NDC80: variants seen among roughly 807,000 people sequenced by gnomAD.
NDC80 encodes kinetochore protein NDC80 homolog.
A neutral mutation model predicts 89.3 loss-of-function variants in NDC80; 69 were observed. The ratio of observed to expected loss-of-function variants is 0.77; its 90% CI spans 0.64 to 0.94. NDC80 has a LOEUF of 0.94. Ranked by LOEUF, NDC80 falls within the 40% of genes least tolerant of loss-of-function variation. NDC80 has a pLI of 0.00. For synonymous variants in NDC80, 243 were observed against 255.6 expected, an observed-to-expected ratio of 0.95 and a Z score of 0.47; for missense variants, 593 against 739.6, an observed-to-expected ratio of 0.80 and a Z score of 2.30.
rs1350759297 is a variant in NDC80 at position 2,599,061 on chromosome 18, T to A, written c.1264T>A (p.Leu422Ile). 1 of 1,611,702 alleles carries A rather than the reference T, an allele frequency of 6.2e-7. No individual in the cohort carries two copies. The highest frequency in any genetic ancestry group is 8.5e-7 in the Non-Finnish European group (1 of 1,178,978). ...AGAGTATCACAAATTGGCTAGAAAA[T>A]TAAAACTTATTCCTAAAGGTGCTGA... ...LAEYHKLARKLKLIPKGAENS... is the reference protein window; with the variant it reads ...LAEYHKLARKIKLIPKGAENS... Residue 422 changes from leucine to isoleucine, a missense_variant, in exon 12 of 17, where the codon TTA becomes ATA. Transcript: ENST00000261597.
intron 16 of NDC80, among the ~76,000 whole-genome samples, chr18:2,611,545 G>A (rs911079205): frequency 1.3e-5 from 2 of 152,086 alleles, no homozygotes; most frequent in Non-Finnish European, 1.5e-5. Flanking sequence ...TATGATGATC[G>A]TTATTCCTTT....
At chr18:2,605,930 A>T (rs575140602) in intron 13 of NDC80, among the ~76,000 whole-genome samples, 1 of 152,148 alleles carries the variant, frequency 6.6e-6, no homozygotes, top group African/African-American at 2.4e-5. Flanking sequence ...ACAAGATTAA[A>T]TGTGGTTACC....
At chr18:2,607,965 G>GTGTATATATA (rs1284761469) in intron 14 of NDC80, among the ~76,000 whole-genome samples, 1 of 68,152 alleles carries the variant, frequency 1.5e-5, no homozygotes, top group Non-Finnish European at 2.7e-5. Flanking sequence ...TATATACATA[G>GTGTATATATA]TATATATATA....
intron 6 of NDC80, among the ~76,000 whole-genome samples, chr18:2,580,522 A>C (rs1162290394): frequency 6.6e-6 from 1 of 152,124 alleles, no homozygotes; most frequent in African/African-American, 2.4e-5. Context: ...AAATGAAGGC[A>C]GGCACTGGGT....
At chr18:2,582,447 ACT>A (rs2072583233) in intron 6 of NDC80, 1 of 151,848 alleles carries the variant, frequency 6.6e-6, no homozygotes, top group South Asian at 2.1e-4. Context: ...TGATGAACAG[ACT>A]CTCTTTTTTT....
At chr18:2,584,287 C>CAAA (rs11297697) in intron 6 of NDC80, among the ~76,000 whole-genome samples, 1 of 98,414 alleles carries the variant, frequency 1.0e-5, no homozygotes, top group African/African-American at 3.7e-5. Context: ...GACTCCGTCT[C>CAAA]AAAAAAAAAA....
chr18:2,572,196 TG>T (rs1366162375), intron 1 of NDC80, among the ~76,000 whole-genome samples: 1 of 152,176 alleles, frequency 6.6e-6, no homozygotes, highest in Non-Finnish European at 1.5e-5. Flanking sequence ...GTCTAATCAG[TG>T]TAAAAGACTA....
intron 2 of NDC80, among the ~76,000 whole-genome samples, chr18:2,574,001 T>C (rs978276433): frequency 6.6e-6 from 1 of 152,238 alleles, no homozygotes; most frequent in Non-Finnish European, 1.5e-5. Flanking sequence ...ATAGGGTTTT[T>C]GTTCTGCAGA....
chr18:2,572,862 A>G, intron 1 of NDC80, 115 bp from the exon 2 acceptor site: 1 of 729,670 alleles, frequency 1.4e-6, no homozygotes. Context: ...GGGAAAGATG[A>G]TGATCTTGAA....
chr18:2,575,031 G>A lies in NDC80; in HGVS notation c.144G>A (p.Pro48=), dbSNP rs372232106. 7.9e-5 allele frequency: 128 copies of A among 1,611,798 alleles called. 1 individual carries two copies. The African/African-American group carries it at 1.5e-3, about 18-fold the overall frequency. ...PTFGKLSINK[P]TSERKVSLFG... is the part of the protein sequence containing the mutation. ...TTGGAAAGTTGAGTATAAACAAACC[G>A]ACATCTGAAAGAAAAGTCTCGCTAT... The change falls in exon 3 of 17, where the codon CCG becomes CCA. Residue 48 remains proline (P), a synonymous_variant. Transcript: ENST00000261597.
intron 11 of NDC80, among the ~76,000 whole-genome samples, chr18:2,596,174 G>A (rs558534412): frequency 6.6e-6 from 1 of 152,200 alleles, no homozygotes; most frequent in Admixed American, 6.5e-5. Flanking sequence ...TTTTAGAAGA[G>A]AATTTCTTAA....
chr18:2,598,523 G>A (rs768980112), intron 11 of NDC80, among the ~76,000 whole-genome samples: 3 of 152,156 alleles, frequency 2.0e-5, no homozygotes, highest in African/African-American at 7.2e-5. Flanking sequence ...AGCCCTGAAG[G>A]AAGAAGGAAG....
intron 14 of NDC80, among the ~76,000 whole-genome samples, chr18:2,607,998 T>A (rs187243831): frequency 0.022 from 2,775 of 126,840 alleles, 57 homozygotes; most frequent in Middle Eastern, 0.043. Flanking sequence ...TATATATATA[T>A]AACTTATTTA....
intron 10 of NDC80, 148 bp downstream of exon 10, chr18:2,590,310 T>C (rs1048576535): frequency 1.1e-5 from 8 of 758,284 alleles, no homozygotes; most frequent in African/African-American, 5.4e-5. Context: ...TCGTATTTGT[T>C]TCCTAAGGCT....
chr18:2,592,468 C>T (rs1290921493), intron 10 of NDC80, among the ~76,000 whole-genome samples: 2 of 151,212 alleles, frequency 1.3e-5, no homozygotes, highest in Non-Finnish European at 2.9e-5. Context: ...CAAGTCTCCT[C>T]CCTCAGTTTC....
intron 1 of NDC80, among the ~76,000 whole-genome samples, chr18:2,572,152 T>C (rs896060185): frequency 1.3e-5 from 2 of 152,146 alleles, no homozygotes; most frequent in South Asian, 2.1e-4. Context: ...CAAGCGCATA[T>C]TGAAGAGGAA....
intron 3 of NDC80, 55 bp from the exon 4 acceptor site, chr18:2,577,691 G>T: frequency 6.3e-7 from 1 of 1,593,936 alleles, no homozygotes; most frequent in Non-Finnish European, 8.6e-7. Context: ...AAATAATTTA[G>T]ACTTGATCAC....
intron 13 of NDC80, among the ~76,000 whole-genome samples, chr18:2,605,324 G>A (rs973376734): frequency 8.2e-6 from 1 of 121,986 alleles, no homozygotes; most frequent in Non-Finnish European, 1.7e-5. Flanking sequence ...GTGTGTGTGT[G>A]TGTGTATGTA....
intron 10 of NDC80, among the ~76,000 whole-genome samples, chr18:2,590,866 C>T (rs1358840450): frequency 6.6e-6 from 1 of 152,156 alleles, no homozygotes; most frequent in East Asian, 1.9e-4. Flanking sequence ...CAAATATATA[C>T]TGTATTCCAC....
Sources: allele counts gnomAD v4.1 joint callset (sites outside exome capture counted in the v4.1 genomes callset), GRCh38; gene constraint gnomAD v4.1.1; transcripts MANE v1.5; gene names NCBI Gene and HGNC (gene_info 2026-07-23, HGNC 2026-07-21).